Variants in PIK3R5 observed in about 807,000 individuals in gnomAD.
The protein encoded by PIK3R5 is phosphoinositide 3-kinase regulatory subunit 5.
Under a neutral mutation model 94.9 loss-of-function variants are expected in PIK3R5, and 32 were observed. That is an observed-to-expected ratio of 0.34 (90% CI 0.25 to 0.45). The LOEUF (loss-of-function observed/expected upper bound fraction) is 0.45. PIK3R5 is among the 20% of genes least tolerant of loss of function. The pLI is 1.00. For missense variants in PIK3R5, 853 were observed against 1,144.6 expected, an observed-to-expected ratio of 0.75 and a Z score of 3.68; for synonymous variants, 443 against 479.4, an observed-to-expected ratio of 0.92 and a Z score of 0.99.
intron 1 of PIK3R5, among the ~76,000 whole-genome samples, chr17:8,948,872 C>G (rs373343868): frequency 4.9e-4 from 75 of 152,272 alleles, no homozygotes; most frequent in African/African-American, 1.7e-3. Context: ...CAAAATAACT[C>G]TCAAACTAGA....
chr17:8,925,369 AGATG>A lies in PIK3R5; in HGVS notation c.-13-13866_-13-13863del, dbSNP rs890591460. On this transcript the variant is annotated intron_variant, in intron 1 of 18. Transcript: ENST00000447110. The surrounding 1 kb of genome is among the most constrained non-coding windows in gnomAD (Gnocchi z 5.1). The stretch of plus-strand genomic sequence containing the variant: ...ATAGATAGATGGATTGATAGATAGT[AGATG>A]GATAGATAGATAGATAGTAGATGGA... Among the ~76,000 whole-genome samples the A allele has an allele frequency of 6.6e-6, 1 of 151,452 alleles. No individual in the cohort carries two copies. Among genetic ancestry groups the A allele is most frequent in the African/African-American group, 2.4e-5 (1 of 41,004 alleles).
chr17:8,963,721 G>C (rs1037174154), intron 1 of PIK3R5, among the ~76,000 whole-genome samples: 1 of 151,992 alleles, frequency 6.6e-6, no homozygotes, highest in African/African-American at 2.4e-5. Context: ...TGGGAGGGAG[G>C]AAAGGCAAGC....
Position 8,893,664 on chromosome 17 carries a change from C to T in PIK3R5, c.413-9G>A, listed in dbSNP as rs765109668. 3.0e-5 allele frequency: 48 copies of T among 1,611,498 alleles called. No individual in the cohort carries two copies. The South Asian group carries it at 4.4e-4, about 15-fold the overall frequency. ...TCTCTGGTAGGAGATCCCTGTGGGT[C>T]AAGAAGAAAAGAGTTCATGGGCTGA... On this transcript the variant is annotated splice_polypyrimidine_tract_variant and intron_variant, in intron 5 of 18. Coordinates refer to ENST00000447110, the MANE Select transcript of PIK3R5 (RefSeq NM_001142633.3). The surrounding 1 kb of genome is among the most constrained non-coding windows in gnomAD (Gnocchi z 5.1).
chr17:8,894,794 C>T (rs1271081399), intron 5 of PIK3R5, among the ~76,000 whole-genome samples: 1 of 151,658 alleles, frequency 6.6e-6, no homozygotes, highest in East Asian at 1.9e-4. Flanking sequence ...CCAGGGCAGT[C>T]CCCATCGAGA....
At chr17:8,958,270 G>A (rs1165345084) in intron 1 of PIK3R5, among the ~76,000 whole-genome samples, 46 of 132,740 alleles carry the variant, frequency 3.5e-4, no homozygotes, top group Middle Eastern at 3.5e-3. Context: ...ACTCCAGAGT[G>A]AGACTGTCTC....
intron 1 of PIK3R5, among the ~76,000 whole-genome samples, chr17:8,953,079 T>C (rs946912065): frequency 9.9e-5 from 15 of 152,112 alleles, no homozygotes; most frequent in African/African-American, 4.8e-5. Context: ...TGGACCACAG[T>C]TGGGAGAATG....
intron 1 of PIK3R5, among the ~76,000 whole-genome samples, chr17:8,917,924 A>G (rs2090662105): frequency 6.6e-6 from 1 of 152,208 alleles, no homozygotes. Flanking sequence ...CTAGCATTAG[A>G]CAAATAAGTG....
At chr17:8,921,591 A>T (rs2090746527) in intron 1 of PIK3R5, among the ~76,000 whole-genome samples, 1 of 152,212 alleles carries the variant, frequency 6.6e-6, no homozygotes, top group Admixed American at 6.5e-5. Context: ...CTAACTATGC[A>T]AATAAATTAT....
chr17:8,934,581 T>A (rs1400393613), intron 1 of PIK3R5, among the ~76,000 whole-genome samples: 1 of 152,142 alleles, frequency 6.6e-6, no homozygotes, highest in Non-Finnish European at 1.5e-5. Flanking sequence ...TATATGGAAA[T>A]ACCAAAGACT....
chr17:8,939,190 C>T (rs1025054307), intron 1 of PIK3R5, among the ~76,000 whole-genome samples: 2 of 152,172 alleles, frequency 1.3e-5, no homozygotes, highest in East Asian at 3.8e-4. Flanking sequence ...GGATCTGCAG[C>T]AAGTGAGAGC....
At chr17:8,926,533 C>A (rs1270015978) in intron 1 of PIK3R5, among the ~76,000 whole-genome samples, 1 of 152,074 alleles carries the variant, frequency 6.6e-6, no homozygotes, top group Non-Finnish European at 1.5e-5. Flanking sequence ...TAGCAGGAGG[C>A]AAAAGGCACG....
chr17:8,956,996 G>A (rs1012912093), intron 1 of PIK3R5, among the ~76,000 whole-genome samples: 2 of 152,176 alleles, frequency 1.3e-5, no homozygotes, highest in South Asian at 2.1e-4. Flanking sequence ...CTTCTGCTGC[G>A]GAGAACGGGC....
chr17:8,933,313 AAAT>A (rs1378383111), intron 1 of PIK3R5, among the ~76,000 whole-genome samples: 1 of 152,192 alleles, frequency 6.6e-6, no homozygotes, highest in Admixed American at 6.5e-5. Context: ...AGAACTATAA[AAAT>A]AATCAAAGGG....
Position 8,882,332 on chromosome 17 carries a change from A to C in PIK3R5, c.2206-451T>G. The stretch of plus-strand genomic sequence containing the variant: ...CTCAGCTTACTTGACCTTACAGTTC[A>C]CTGCTCTCCCCTCCTTGAAAACCTC... On this transcript the variant is annotated intron_variant, in intron 15 of 18. Transcript: ENST00000447110. This position sits in a 1 kb window ranked among gnomAD's most constrained non-coding sequence, Gnocchi z 4.1. 1 of 174,962 alleles carries C rather than the reference A, an allele frequency of 5.7e-6. No homozygotes were observed. Among genetic ancestry groups the C allele is most frequent in the Non-Finnish European group, 1.3e-5 (1 of 79,868 alleles). 10.8% of individuals were successfully genotyped at this position (174,962 alleles called of 1,614,324 possible).
chr17:8,929,927 T>C (rs1294272786), intron 1 of PIK3R5, among the ~76,000 whole-genome samples: 1 of 152,158 alleles, frequency 6.6e-6, no homozygotes, highest in African/African-American at 2.4e-5. Context: ...TTCATTCATG[T>C]AACCAAAAAC....
At chr17:8,897,074 G>A (rs1272210333) in intron 5 of PIK3R5, among the ~76,000 whole-genome samples, 2 of 152,228 alleles carry the variant, frequency 1.3e-5, no homozygotes, top group Non-Finnish European at 2.9e-5. Flanking sequence ...GGGGTCCCAT[G>A]TATAGCGCCT....
Position 8,893,862 on chromosome 17 carries a change from C to T in PIK3R5, c.413-207G>A. 2.2e-6 allele frequency: 1 copy of T among 455,618 alleles called. No homozygotes were observed. The highest frequency in any genetic ancestry group is 2.9e-5 in the South Asian group (1 of 34,468). 28.2% of individuals were successfully genotyped at this position (455,618 alleles called of 1,614,324 possible). On this transcript the variant is annotated intron_variant, in intron 5 of 18. Coordinates refer to ENST00000447110, the MANE Select transcript of PIK3R5 (RefSeq NM_001142633.3). The surrounding 1 kb of genome is among the most constrained non-coding windows in gnomAD (Gnocchi z 5.1). ...CCTTTTACACCTCACGAGTCATATC[C>T]CCACCTCCACCTCCAACACCAAAAC...
At chr17:8,900,037 TA>T (rs111644115) in intron 5 of PIK3R5, among the ~76,000 whole-genome samples, 4,602 of 144,448 alleles carry the variant, frequency 0.032, 80 homozygotes, top group Middle Eastern at 0.075. Context: ...GATTCCATCT[TA>T]AAAAAAAAAA....
chr17:8,882,106 A>T lies in PIK3R5; in HGVS notation c.2206-225T>A. 1.8e-6 allele frequency: 1 copy of T among 557,766 alleles called. No homozygotes were observed. The highest frequency in any genetic ancestry group is 2.1e-5 in the South Asian group (1 of 48,176). The allele number at this position is 557,766 out of a possible 1,614,324, so 34.6% of individuals were successfully genotyped here. On this transcript the variant is annotated intron_variant, in intron 15 of 18. Transcript: ENST00000447110. The surrounding 1 kb of genome is among the most constrained non-coding windows in gnomAD (Gnocchi z 4.1). ...CTAGGGGTCAGCAGCCTCTGTGACC[A>T]GGTTGAAAGGTACAAGAGCTGAGAG...
Sources: allele counts gnomAD v4.1 joint callset (sites outside exome capture counted in the v4.1 genomes callset), GRCh38; gene constraint gnomAD v4.1.1; non-coding constraint Gnocchi (gnomAD v3.1); transcripts MANE v1.5; gene names NCBI Gene and HGNC (gene_info 2026-07-23, HGNC 2026-07-21).